Variants in NCKIPSD observed in about 807,000 individuals in gnomAD.
NCKIPSD encodes the protein NCK-interacting protein with SH3 domain.
Under a neutral mutation model 73.4 loss-of-function variants are expected in NCKIPSD, and 48 were observed. That is an observed-to-expected ratio of 0.65 (90% confidence interval 0.52 to 0.83). NCKIPSD has a LOEUF of 0.83. Ranked by LOEUF, NCKIPSD falls within the 40% of genes least tolerant of loss-of-function variation. The pLI, the probability that NCKIPSD is intolerant of heterozygous loss-of-function variation, is 0.00. For missense variants in NCKIPSD, 884 were observed against 970.2 expected (o/e 0.91, Z 1.18); for synonymous variants, 422 against 403.6 (o/e 1.05, Z -0.54).
chr3:48,675,672 G>T (rs866220235), intron 12 of NCKIPSD, among the ~76,000 whole-genome samples: 1 of 151,466 alleles, frequency 6.6e-6, no homozygotes, highest in Non-Finnish European at 1.5e-5. Flanking sequence ...CTCCCAAATA[G>T]CTGGGATTAC....
At position 48,681,586 on chromosome 3, in the gene NCKIPSD, C is replaced by A; in HGVS notation, c.793G>T (p.Ala265Ser). The stretch of plus-strand genomic sequence containing the variant: ...TCTGCAGGGGGTTCAGGTGCTGATG[C>A]CTTGGAGGGAGGGGGCTGGACTTGG... ...VSQVQPPPSK[A>S]SAPEPPAEEE... Residue 265 changes from alanine to serine, a missense_variant, in exon 5 of 13, where the codon GCA becomes TCA. Transcript: ENST00000294129. The A allele has an allele frequency of 1.9e-6, 3 of 1,613,932 alleles. No individual in the cohort carries two copies. The highest frequency in any genetic ancestry group is 2.5e-6 in the Non-Finnish European group (3 of 1,179,994).
intron 12 of NCKIPSD, among the ~76,000 whole-genome samples, chr3:48,678,154 T>C (rs1248382491): frequency 2.0e-5 from 3 of 152,140 alleles, no homozygotes; most frequent in Non-Finnish European, 2.9e-5. Context: ...TGCCACGACC[T>C]ATCCCATCCC....
intron 4 of NCKIPSD, 121 bp downstream of exon 4, chr3:48,681,924 C>T: frequency 6.8e-7 from 1 of 1,468,446 alleles, no homozygotes; most frequent in East Asian, 2.4e-5. Flanking sequence ...CCCTAATTGC[C>T]CCAAAATGGG....
chr3:48,676,179 A>G lies in NCKIPSD; in HGVS notation c.1966-1432T>C, dbSNP rs186286677. On this transcript the variant is annotated intron_variant, in intron 12 of 12. Transcript: ENST00000294129. ...TGTCACTCTCCCTTAGAGTAGTAAT[A>G]ATGTCCACCTTCTCTGTCTTTGAAA... 5.9e-5 allele frequency among the ~76,000 whole-genome samples: 9 copies of G among 152,284 alleles called. No homozygotes were observed. The East Asian group carries it at 1.7e-3, about 29-fold the overall frequency.
intron 12 of NCKIPSD, among the ~76,000 whole-genome samples, chr3:48,677,446 C>T (rs2077272935): frequency 6.6e-6 from 1 of 152,070 alleles, no homozygotes; most frequent in Non-Finnish European, 1.5e-5. Context: ...CCCATGTCAT[C>T]TCTCTCCAGC....
rs2077216024 is a variant in NCKIPSD at position 48,674,182 on chromosome 3, AG to A, written c.*361del. 1 of 1,179,742 alleles carries A rather than the reference AG, an allele frequency of 8.5e-7. No homozygotes were observed. Among genetic ancestry groups the A allele is most frequent in the Admixed American group, 4.0e-5 (1 of 24,962 alleles). 73.1% of individuals were successfully genotyped at this position (1,179,742 alleles called of 1,614,324 possible). A position where few individuals can be genotyped will look rare whatever the true frequency, so the allele number is the denominator to read the frequency against. ...CTCACCCCAGGGGCATGGCTTGCTGAGGCCCAGGATACAGACCAGGAGGGGT... is the reference window on the plus strand; with the variant it reads ...CTCACCCCAGGGGCATGGCTTGCTGAGCCCAGGATACAGACCAGGAGGGGT... On this transcript the variant is annotated 3_prime_UTR_variant, in exon 13 of 13. Coordinates refer to ENST00000294129, the MANE Select transcript of NCKIPSD (RefSeq NM_016453.4).
chr3:48,674,715 A>G lies in NCKIPSD; in HGVS notation c.1998T>C (p.Ala666=), dbSNP rs371420388. Residue 666 remains alanine (A), a synonymous_variant, in exon 13 of 13, where the codon GCT becomes GCC. Transcript: ENST00000294129. The stretch of plus-strand genomic sequence containing the variant: ...GCAGGTAGGGTGTGGTGCGGACTAT[A>G]GCATGCATCAGGGAGAGGTACTCCA... ...LRMEYLSLMH[A]IVRTTPYLQH... is the part of the protein sequence containing the mutation. The G allele has an allele frequency of 2.5e-6, 4 of 1,613,922 alleles. No homozygotes were observed. Among genetic ancestry groups the G allele is most frequent in the Non-Finnish European group, 2.5e-6 (3 of 1,179,998 alleles).
intron 12 of NCKIPSD, among the ~76,000 whole-genome samples, chr3:48,677,474 T>G (rs2077273457): frequency 6.6e-6 from 1 of 152,100 alleles, no homozygotes; most frequent in South Asian, 2.1e-4. Flanking sequence ...CTTCCATTTT[T>G]CTCTTCCCCT....
intron 12 of NCKIPSD, among the ~76,000 whole-genome samples, chr3:48,675,293 G>A (rs531898239): frequency 3.2e-4 from 49 of 151,918 alleles, no homozygotes; most frequent in Middle Eastern, 3.4e-3. Context: ...TTTAGAAAGA[G>A]CACTGTTGCC....
intron 1 of NCKIPSD, among the ~76,000 whole-genome samples, chr3:48,683,961 G>A (rs753615694): frequency 2.5e-4 from 38 of 150,176 alleles, no homozygotes; most frequent in Non-Finnish European, 4.7e-4. Context: ...AGGAGACAGG[G>A]GGATAGAAAG....
At chr3:48,681,963 C>T in intron 4 of NCKIPSD, 82 bp downstream of exon 4, 1 of 1,518,670 alleles carries the variant, frequency 6.6e-7, no homozygotes, top group Non-Finnish European at 8.9e-7. Flanking sequence ...AGCTTAGAGC[C>T]TCCATTTCCC....
chr3:48,683,143 A>G (rs2077383028), intron 1 of NCKIPSD, 131 bp from the exon 2 acceptor site: 1 of 1,482,260 alleles, frequency 6.7e-7, no homozygotes, highest in Admixed American at 2.0e-5. Flanking sequence ...CATAGCACAA[A>G]AAGTTGAACC....
chr3:48,680,312 T>C, intron 5 of NCKIPSD, 83 bp from the exon 6 acceptor site: 4 of 1,412,502 alleles, frequency 2.8e-6, no homozygotes, highest in Non-Finnish European at 3.8e-6. Flanking sequence ...GGAGAGTCCA[T>C]CTGTGGACTT....
chr3:48,685,625 G>A lies in NCKIPSD; in HGVS notation c.171+12C>T. The A allele has an allele frequency of 6.6e-7, 1 of 1,517,910 alleles. No individual in the cohort carries two copies. Among genetic ancestry groups the A allele is most frequent in the Non-Finnish European group, 8.8e-7 (1 of 1,139,184 alleles). The allele number at this position is 1,517,910 out of a possible 1,614,324, so 94.0% of individuals were successfully genotyped here. ...AGGGGCGCGGAGGCCGGGCGGGAAG[G>A]GGCGCACTCACCTGCAGGCGGCGCA... is the stretch of plus-strand genomic sequence containing the variant. On this transcript the variant is annotated intron_variant, in intron 1 of 12. Transcript: ENST00000294129.
chr3:48,681,095 G>A (rs1347631211), intron 5 of NCKIPSD, 192 bp downstream of exon 5: 2 of 848,812 alleles, frequency 2.4e-6, no homozygotes, highest in African/African-American at 3.4e-5. Context: ...CCCTTGTCCA[G>A]GCTGCGCATC....
At chr3:48,675,039 A>G (rs1469318476) in intron 12 of NCKIPSD, among the ~76,000 whole-genome samples, 4 of 152,058 alleles carry the variant, frequency 2.6e-5, no homozygotes, top group Non-Finnish European at 5.9e-5. Flanking sequence ...TATCAGTCAG[A>G]GGCCCTCTGC....
At chr3:48,678,308 C>T (rs188028361) in intron 12 of NCKIPSD, among the ~76,000 whole-genome samples, 17 of 152,142 alleles carry the variant, frequency 1.1e-4, no homozygotes, top group Admixed American at 6.5e-5. Context: ...CAGCAGCCTC[C>T]GAGGCTTTGT....
chr3:48,685,852 C>G lies in NCKIPSD; in HGVS notation c.-45G>C. The G allele has an allele frequency of 1.5e-6, 2 of 1,358,188 alleles. No homozygotes were observed. Among genetic ancestry groups the G allele is most frequent in the Non-Finnish European group, 1.9e-6 (2 of 1,058,688 alleles). 84.1% of individuals were successfully genotyped at this position (1,358,188 alleles called of 1,614,324 possible). On this transcript the variant is annotated 5_prime_UTR_variant, in exon 1 of 13. Coordinates refer to ENST00000294129, the MANE Select transcript of NCKIPSD (RefSeq NM_016453.4). Reference sequence around the variant, plus strand: ...GCAGGGAAGGTGGCAAGGGCTGCGGCGCCACAACGCCAGGCCGGGAGCGCC... The same window carrying G: ...GCAGGGAAGGTGGCAAGGGCTGCGGGGCCACAACGCCAGGCCGGGAGCGCC...
At chr3:48,684,625 G>A (rs537004032) in intron 1 of NCKIPSD, among the ~76,000 whole-genome samples, 40 of 152,340 alleles carry the variant, frequency 2.6e-4, no homozygotes, top group African/African-American at 8.2e-4. Context: ...AGGACGGGGC[G>A]GGGGTGTCTG....
Sources: gnomAD v4.1 joint callset for allele counts (sites outside exome capture counted in the v4.1 genomes callset) on GRCh38, gnomAD v4.1.1 for gene constraint, MANE v1.5 for transcripts, NCBI Gene and HGNC (gene_info 2026-07-23, HGNC 2026-07-21) for gene names.